Variants in CADM1 observed in about 807,000 individuals in gnomAD.
The protein encoded by CADM1 is TSLC-1.
CADM1 carries 15 observed loss-of-function variants against 53.1 expected under a neutral mutation model. The ratio of observed to expected loss-of-function variants is 0.28; its 90% CI spans 0.19 to 0.44. The LOEUF is 0.44. CADM1 is among the 20% of genes least tolerant of loss of function. CADM1 has a pLI of 1.00. For synonymous variants in CADM1, 281 were observed against 243.0 expected, an observed-to-expected ratio of 1.16 and a Z score of -1.45; for missense variants, 434 against 611.3, an observed-to-expected ratio of 0.71 and a Z score of 3.06.
intron 1 of CADM1, among the ~76,000 whole-genome samples, chr11:115,455,139 C>A (rs894605877): frequency 3.9e-5 from 6 of 152,042 alleles, no homozygotes; most frequent in Admixed American, 2.0e-4. Context: ...TTTTCAGATT[C>A]TTGTTATTAA....
intron 2 of CADM1, among the ~76,000 whole-genome samples, chr11:115,239,494 CAA>C (rs1223661622): frequency 1.3e-5 from 2 of 152,270 alleles, no homozygotes; most frequent in Admixed American, 6.5e-5. Flanking sequence ...TTAATTTTGG[CAA>C]AGACTAACTT....
At chr11:115,214,811 C>T (rs1368690767) in intron 6 of CADM1, 31 bp from the exon 7 acceptor site, 1 of 1,608,158 alleles carries the variant, frequency 6.2e-7, no homozygotes, top group Non-Finnish European at 8.5e-7. Context: ...AGACAAGTCA[C>T]ATTATCATTC....
chr11:115,426,750 G>A (rs1459504707), intron 1 of CADM1, among the ~76,000 whole-genome samples: 1 of 151,588 alleles, frequency 6.6e-6, no homozygotes, highest in East Asian at 2.0e-4. Context: ...GGATGGTTTA[G>A]CTCATTTTGG....
At chr11:115,261,136 A>G (rs1942962944) in intron 1 of CADM1, among the ~76,000 whole-genome samples, 1 of 152,196 alleles carries the variant, frequency 6.6e-6, no homozygotes, top group Non-Finnish European at 1.5e-5. Context: ...ATGAGGGTAC[A>G]CCTATTATGG....
chr11:115,293,419 C>G (rs1002875404), intron 1 of CADM1, among the ~76,000 whole-genome samples: 1 of 151,880 alleles, frequency 6.6e-6, no homozygotes, highest in Non-Finnish European at 1.5e-5. Context: ...GGCGACAGAG[C>G]GAGACTCCGT....
chr11:115,244,625 TGC>T, intron 1 of CADM1, among the ~76,000 whole-genome samples: 1 of 152,356 alleles, frequency 6.6e-6, no homozygotes, highest in Admixed American at 6.5e-5. Flanking sequence ...GCCAAGCTGA[TGC>T]TTGAACCCGG....
intron 3 of CADM1, among the ~76,000 whole-genome samples, chr11:115,237,634 G>A (rs1428287810): frequency 2.0e-5 from 3 of 152,134 alleles, no homozygotes; most frequent in South Asian, 2.1e-4. Context: ...TCATCTTCCC[G>A]AAGGTGTAAA....
chr11:115,301,097 T>A (rs1944209143), intron 1 of CADM1, among the ~76,000 whole-genome samples: 1 of 152,026 alleles, frequency 6.6e-6, no homozygotes, highest in African/African-American at 2.4e-5. Context: ...TAAAGCAAAA[T>A]TCTGTATTGA....
intron 10 of CADM1, among the ~76,000 whole-genome samples, chr11:115,181,817 C>T (rs987021075): frequency 2.6e-5 from 4 of 152,238 alleles, no homozygotes; most frequent in South Asian, 2.1e-4. Context: ...GCAGCAGGGC[C>T]GGGGTGAGCT....
intron 1 of CADM1, among the ~76,000 whole-genome samples, chr11:115,493,920 A>G (rs1028932555): frequency 3.3e-5 from 5 of 152,202 alleles, no homozygotes; most frequent in South Asian, 2.1e-4. Context: ...ACCATATCCA[A>G]TGTGTGATCT....
At chr11:115,260,118 C>T (rs182407068) in intron 1 of CADM1, among the ~76,000 whole-genome samples, 23 of 152,004 alleles carry the variant, frequency 1.5e-4, no homozygotes, top group African/African-American at 2.4e-4. Flanking sequence ...TGTTTAGAGA[C>T]GGGGTCTGTC....
chr11:115,497,975 CAA>C (rs766633630), intron 1 of CADM1, among the ~76,000 whole-genome samples: 6,230 of 72,332 alleles, frequency 0.086, 166 homozygotes, highest in Middle Eastern at 0.2. Context: ...GAAAGAGCCT[CAA>C]AAAAAAAAAA....
chr11:115,225,026 G>T (rs1208021606), intron 5 of CADM1, among the ~76,000 whole-genome samples: 1 of 152,176 alleles, frequency 6.6e-6, no homozygotes, highest in African/African-American at 2.4e-5. Flanking sequence ...TAAGGAAAGA[G>T]AGCTTTGAGC....
rs1173255832 is a variant in CADM1 at position 115,174,285 on chromosome 11, G to C, written c.*2189C>G. ...GGTGTGATTTTTTTTTTTTGTTTTT[G>C]TTTTTGTTTTTCTTTTTTTCTAAAA... On this transcript the variant is annotated 3_prime_UTR_variant, in exon 12 of 12. Coordinates refer to ENST00000331581, the MANE Select transcript of CADM1 (RefSeq NM_001301043.2). 1.0e-6 allele frequency: 1 copy of C among 981,302 alleles called. No homozygotes were observed. Among genetic ancestry groups the C allele is most frequent in the Admixed American group, 6.2e-5 (1 of 16,106 alleles). The allele number at this position is 981,302 out of a possible 1,614,324, so 60.8% of individuals were successfully genotyped here. A position where few individuals can be genotyped will look rare whatever the true frequency, so the allele number is the denominator to read the frequency against.
intron 1 of CADM1, among the ~76,000 whole-genome samples, chr11:115,337,346 G>T (rs560481608): frequency 1.3e-4 from 20 of 152,152 alleles, no homozygotes; most frequent in Middle Eastern, 3.4e-3. Flanking sequence ...CCACATAATT[G>T]TCTGTCTTCC....
chr11:115,184,099 A>G lies in CADM1; in HGVS notation c.1166-5324T>C, dbSNP rs151067068. On this transcript the variant is annotated intron_variant, in intron 10 of 11. Coordinates refer to ENST00000331581, the MANE Select transcript of CADM1 (RefSeq NM_001301043.2). Reference sequence around the variant, plus strand: ...TTGTAGGGATTAGTCTATTTCAGAGAAAGCTTAGTGACTATGATGTCATTT... The same window carrying G: ...TTGTAGGGATTAGTCTATTTCAGAGGAAGCTTAGTGACTATGATGTCATTT... 3.6e-3 allele frequency among the ~76,000 whole-genome samples: 547 copies of G among 152,188 alleles called. 19 individuals are homozygous for G. In the East Asian group the frequency reaches 0.057, roughly 16 times the overall value.
At position 115,171,837 on chromosome 11, in the gene CADM1, T is replaced by C. The variant is rs1938800398; in HGVS notation, c.*4637A>G. 1 of 152,172 alleles carries C rather than the reference T, an allele frequency of 6.6e-6. No individual in the cohort carries two copies. Among genetic ancestry groups the C allele is most frequent in the South Asian group, 2.1e-4 (1 of 4,818 alleles). The allele number at this position is 152,172 out of a possible 1,614,324, so 9.4% of individuals were successfully genotyped here. A position where few individuals can be genotyped will look rare whatever the true frequency, so the allele number is the denominator to read the frequency against. Reference sequence around the variant, plus strand: ...CTAATGAATGGTGAAGAGAAAAGGGTCATTAAACCTTCTAAGTCGTGGTTT... The same window carrying C: ...CTAATGAATGGTGAAGAGAAAAGGGCCATTAAACCTTCTAAGTCGTGGTTT... On this transcript the variant is annotated 3_prime_UTR_variant, in exon 12 of 12. Coordinates refer to ENST00000331581, the MANE Select transcript of CADM1 (RefSeq NM_001301043.2).
At chr11:115,411,200 A>C (rs1376776702) in intron 1 of CADM1, among the ~76,000 whole-genome samples, 2 of 152,224 alleles carry the variant, frequency 1.3e-5, no homozygotes, top group African/African-American at 4.8e-5. Flanking sequence ...GATTTGCATA[A>C]AACTTGTAAT....
intron 1 of CADM1, among the ~76,000 whole-genome samples, chr11:115,279,274 G>A (rs1943524797): frequency 6.6e-6 from 1 of 152,052 alleles, no homozygotes; most frequent in Admixed American, 6.6e-5. Flanking sequence ...AAATGGATTT[G>A]GGGGTATAGT....
Sources: allele counts gnomAD v4.1 joint callset (sites outside exome capture counted in the v4.1 genomes callset), GRCh38; gene constraint gnomAD v4.1.1; transcripts MANE v1.5; gene names NCBI Gene and HGNC (gene_info 2026-07-23, HGNC 2026-07-21).